The following NDUFB3 variants were observed in gnomAD, a reference collection of about 807,000 sequenced individuals.
The protein encoded by NDUFB3 is NADH dehydrogenase [ubiquinone] 1 beta subcomplex subunit 3.
NDUFB3 carries 7 observed loss-of-function variants against 9.0 expected under a neutral mutation model. The ratio of observed to expected loss-of-function variants is 0.78; its 90% confidence interval spans 0.44 to 1.46. The LOEUF (loss-of-function observed/expected upper bound fraction) is 1.46, where lower values mean the gene tolerates loss of function less well. NDUFB3 is among the 40% of genes most tolerant of loss of function. NDUFB3 has a pLI of 0.01. For missense variants in NDUFB3, 93 were observed against 115.4 expected (o/e 0.81, Z 0.89); for synonymous variants, 29 against 38.5 (o/e 0.75, Z 0.91).
In NDUFB3 at chr2:201,079,206, G is replaced by A. The variant is rs149559229; in HGVS notation, c.140+184G>A. On this transcript the variant is annotated intron_variant, in intron 2 of 2. Transcript: ENST00000237889. ...TGTTGCCAGGCTGGAGTGCAGTGGC[G>A]CGATCTCAGCTCACTGCAGCCTCCG... Among the ~76,000 whole-genome samples, 6 of 152,160 alleles carry A rather than the reference G, an allele frequency of 3.9e-5. No individual in the cohort carries two copies. The East Asian group carries it at 7.7e-4, about 20-fold the overall frequency.
rs570339282 is a variant in NDUFB3, at chr2:201,075,853, T to G, written c.-2-3028T>G. Among the ~76,000 whole-genome samples the G allele has an allele frequency of 5.8e-4, 88 of 152,324 alleles. 2 individuals are homozygous for G. The South Asian group carries it at 0.018, about 31-fold the overall frequency. The stretch of plus-strand genomic sequence containing the variant: ...AAATTCTTGACCCTTTGTTTTATAC[T>G]CTCTTCCAAATACACTGATACTCAG... On this transcript the variant is annotated intron_variant, in intron 1 of 2. Transcript: ENST00000237889.
At chr2:201,083,983 C>A (rs1279199760) in intron 2 of NDUFB3, among the ~76,000 whole-genome samples, 1 of 151,744 alleles carries the variant, frequency 6.6e-6, no homozygotes, top group African/African-American at 2.4e-5. Context: ...TGGCAAAACC[C>A]TGTCTCTACT....
chr2:201,072,180 G>A (rs55688468), intron 1 of NDUFB3, 121 bp downstream of exon 1: 4,767 of 152,480 alleles, frequency 0.031, 230 homozygotes, highest in African/African-American at 0.11. Flanking sequence ...GGAGATCAAA[G>A]AACTAGCAGG....
chr2:201,080,213 T>C (rs1452984507), intron 2 of NDUFB3, among the ~76,000 whole-genome samples: 2 of 152,154 alleles, frequency 1.3e-5, no homozygotes, highest in African/African-American at 4.8e-5. Flanking sequence ...GCACCATTTA[T>C]TAAAAAATTA....
At chr2:201,076,484 A>AATATATAT (rs561737388) in intron 1 of NDUFB3, among the ~76,000 whole-genome samples, 2,220 of 119,990 alleles carry the variant, frequency 0.019, 59 homozygotes, top group Middle Eastern at 0.028. Context: ...TCTATCTTTA[A>AATATATAT]ATATATATAT....
At chr2:201,084,679 A>T (rs2125539604) in intron 2 of NDUFB3, among the ~76,000 whole-genome samples, 1 of 152,270 alleles carries the variant, frequency 6.6e-6, no homozygotes, top group East Asian at 1.9e-4. Flanking sequence ...TTCATGAGGG[A>T]TAGTATTCTG....
intron 2 of NDUFB3, among the ~76,000 whole-genome samples, chr2:201,080,422 T>C (rs1336513054): frequency 6.6e-6 from 1 of 152,024 alleles, no homozygotes; most frequent in Non-Finnish European, 1.5e-5. Context: ...ATTTTAAGAA[T>C]TGCCAGATGT....
At chr2:201,083,039 GA>G (rs1256720655) in intron 2 of NDUFB3, among the ~76,000 whole-genome samples, 3 of 152,138 alleles carry the variant, frequency 2.0e-5, no homozygotes, top group Non-Finnish European at 2.9e-5. Flanking sequence ...AGTTCAAGTA[GA>G]TTTTTTTTAC....
At chr2:201,081,836 A>G (rs1250285782) in intron 2 of NDUFB3, among the ~76,000 whole-genome samples, 4 of 134,278 alleles carry the variant, frequency 3.0e-5, no homozygotes, top group African/African-American at 1.1e-4. Flanking sequence ...TTTTTTTTGA[A>G]ATGGAGTCTC....
At chr2:201,084,663 T>C (rs1306939377) in intron 2 of NDUFB3, among the ~76,000 whole-genome samples, 1 of 152,182 alleles carries the variant, frequency 6.6e-6, no homozygotes, top group Non-Finnish European at 1.5e-5. Flanking sequence ...AATATTTGCA[T>C]CTATGTTCAT....
At chr2:201,078,377 T>C (rs2047188722) in intron 1 of NDUFB3, among the ~76,000 whole-genome samples, 1 of 152,232 alleles carries the variant, frequency 6.6e-6, no homozygotes, top group African/African-American at 2.4e-5. Context: ...AGCTGTACCA[T>C]TACTATTTTT....
intron 2 of NDUFB3, among the ~76,000 whole-genome samples, chr2:201,082,592 G>C (rs1487986544): frequency 6.6e-6 from 1 of 150,406 alleles, no homozygotes; most frequent in Non-Finnish European, 1.5e-5. Context: ...TGATGCTATT[G>C]TAAATAGTAT....
chr2:201,076,329 G>A (rs1171848341), intron 1 of NDUFB3, among the ~76,000 whole-genome samples: 1 of 151,740 alleles, frequency 6.6e-6, no homozygotes, highest in Non-Finnish European at 1.5e-5. Flanking sequence ...GCACAACATA[G>A]GGAGGGTCCA....
intron 1 of NDUFB3, among the ~76,000 whole-genome samples, chr2:201,075,691 G>A (rs1171630085): frequency 2.6e-5 from 4 of 151,852 alleles, no homozygotes; most frequent in African/African-American, 7.3e-5. Context: ...GAGAAATGAG[G>A]GTATGTACGC....
At chr2:201,082,699 CTTTTTTTTTTTTT>C (rs1170018569) in intron 2 of NDUFB3, among the ~76,000 whole-genome samples, 1 of 100,416 alleles carries the variant, frequency 1.0e-5, no homozygotes, top group African/African-American at 4.1e-5. Context: ...GCTAAATTCA[CTTTTTTTTTTTTT>C]TTTTTTTTTT....
intron 2 of NDUFB3, among the ~76,000 whole-genome samples, chr2:201,081,823 T>A (rs993493389): frequency 8.7e-5 from 13 of 149,772 alleles, no homozygotes; most frequent in African/African-American, 3.2e-4. Context: ...TAATTTTTTT[T>A]TTTTTTTTTT....
At chr2:201,084,541 G>A (rs780261677) in intron 2 of NDUFB3, among the ~76,000 whole-genome samples, 4 of 152,152 alleles carry the variant, frequency 2.6e-5, no homozygotes, top group African/African-American at 4.8e-5. Flanking sequence ...GGAGGCTGAG[G>A]TGGAAGAATC....
rs1169747966 is a variant in NDUFB3, at chr2:201,085,410, A to T, written c.141-49A>T. On this transcript the variant is annotated intron_variant, in intron 2 of 2. Transcript: ENST00000237889. ...TGAAAATTAAATGTCTTCAACGTAT[A>T]TACACACACGTTGTGTATGATTATA... The T allele has an allele frequency of 2.1e-6, 3 of 1,431,510 alleles. No individual in the cohort carries two copies. In the South Asian group the frequency reaches 4.0e-5, roughly 19 times the overall value. 88.7% of individuals were successfully genotyped at this position (1,431,510 alleles called of 1,614,324 possible). A position where few individuals can be genotyped will look rare whatever the true frequency, so the allele number is the denominator to read the frequency against.
At chr2:201,079,352 C>T (rs995376040) in intron 2 of NDUFB3, among the ~76,000 whole-genome samples, 7 of 151,918 alleles carry the variant, frequency 4.6e-5, no homozygotes, top group Admixed American at 1.3e-4. Flanking sequence ...ACCATGTTGG[C>T]CAAGATAGTC....
Sources: gnomAD v4.1 joint callset for allele counts (sites outside exome capture counted in the v4.1 genomes callset) on GRCh38, gnomAD v4.1.1 for gene constraint, MANE v1.5 for transcripts, NCBI Gene and HGNC (gene_info 2026-07-23, HGNC 2026-07-21) for gene names.